The following TUB variants were observed in gnomAD, a reference collection of about 807,000 sequenced individuals.
The protein encoded by TUB is TUB bipartite transcription factor.
Under a neutral mutation model 59.7 loss-of-function variants are expected in TUB, and 33 were observed. That is an observed-to-expected ratio of 0.55 (90% CI 0.42 to 0.74). The LOEUF (loss-of-function observed/expected upper bound fraction) is 0.74. Ranked by LOEUF, TUB falls within the 30% of genes least tolerant of loss-of-function variation. The pLI, the probability that TUB is intolerant of heterozygous loss-of-function variation, is 0.00. For synonymous variants in TUB, 293 were observed against 256.4 expected (o/e 1.14, Z -1.36); for missense variants, 659 against 672.0 (o/e 0.98, Z 0.21).
chr11:8,048,605 T>G (rs1942877088), intron 2 of TUB, among the ~76,000 whole-genome samples: 1 of 152,022 alleles, frequency 6.6e-6, no homozygotes, highest in Admixed American at 6.6e-5. Flanking sequence ...AGGGCCTCAT[T>G]ATGTTGCCCA....
chr11:8,027,889 C>T (rs7945910), intron 1 of TUB, among the ~76,000 whole-genome samples: 48,271 of 152,104 alleles, frequency 0.32, 8,098 homozygotes, highest in East Asian at 0.52. Context: ...TGAAAATGCT[C>T]CAGTGAACAT....
At chr11:8,080,930 C>A (rs1299548722), upstream of TUB, among the ~76,000 whole-genome samples, 1 of 152,196 alleles carries the variant, frequency 6.6e-6, no homozygotes, top group Non-Finnish European at 1.5e-5. Context: ...TCCCATAGCG[C>A]AGATAGGTAG....
upstream of TUB, among the ~76,000 whole-genome samples, chr11:8,034,797 C>T (rs543672964): frequency 1.9e-4 from 29 of 152,180 alleles, no homozygotes; most frequent in Non-Finnish European, 3.4e-4. Context: ...TAGCAGACAA[C>T]CTGACGGAGG....
intron 1 of TUB, among the ~76,000 whole-genome samples, chr11:8,082,262 AG>A (rs1267164818): frequency 6.6e-6 from 1 of 152,224 alleles, no homozygotes; most frequent in Non-Finnish European, 1.5e-5. Context: ...ACATGCAGAA[AG>A]GCACTCAAGA....
intron 2 of TUB, among the ~76,000 whole-genome samples, chr11:8,072,252 G>A (rs745717424): frequency 1.3e-5 from 2 of 152,160 alleles, no homozygotes; most frequent in Non-Finnish European, 2.9e-5. Context: ...GAGTCTTCAC[G>A]CGTCGCCTCC....
intron 1 of TUB, among the ~76,000 whole-genome samples, chr11:8,030,655 C>T (rs997672510): frequency 6.6e-6 from 1 of 152,172 alleles, no homozygotes; most frequent in Admixed American, 6.5e-5. Context: ...CAGATTTCTG[C>T]AGGTGAACAA....
chr11:8,046,490 G>T (rs1428780044), intron 2 of TUB, among the ~76,000 whole-genome samples: 1 of 152,074 alleles, frequency 6.6e-6, no homozygotes, highest in South Asian at 2.1e-4. Context: ...TCTCCTGGGG[G>T]AAACCCAGCC....
intron 5 of TUB, 21 bp downstream of exon 5, chr11:8,095,686 G>T: frequency 1.3e-6 from 2 of 1,568,550 alleles, no homozygotes; most frequent in East Asian, 2.4e-5. Context: ...TGGGGACCCA[G>T]TGATACCCCC....
upstream of TUB, among the ~76,000 whole-genome samples, chr11:8,078,780 A>G (rs548535450): frequency 6.6e-6 from 1 of 151,824 alleles, no homozygotes; most frequent in South Asian, 2.1e-4. Context: ...GCACACACAC[A>G]CTCAAGGCAT....
rs1944464687 is a variant in TUB, at chr11:8,104,746, CAT to C, written c.*3129_*3130del. On this transcript the variant is annotated 3_prime_UTR_variant, in exon 12 of 12. Coordinates refer to ENST00000299506, the MANE Select transcript of TUB (RefSeq NM_177972.3). The stretch of plus-strand genomic sequence containing the variant: ...ACGTATGCTTTTGGTTGAAATTGAA[CAT>C]ACTCTAGTGAATGTGCCTTAAAAAT... 6.6e-6 allele frequency: 1 copy of C among 152,118 alleles called. No homozygotes were observed. Among genetic ancestry groups the C allele is most frequent in the South Asian group, 2.1e-4 (1 of 4,828 alleles). 9.4% of individuals were successfully genotyped at this position (152,118 alleles called of 1,614,324 possible).
chr11:8,073,584 A>G (rs960686449), intron 2 of TUB, among the ~76,000 whole-genome samples: 1 of 152,216 alleles, frequency 6.6e-6, no homozygotes, highest in Non-Finnish European at 1.5e-5. Flanking sequence ...ATTTATGAAT[A>G]AATGAAAGCT....
chr11:8,033,364 T>A (rs575245182), intron 1 of TUB, among the ~76,000 whole-genome samples: 1 of 152,308 alleles, frequency 6.6e-6, no homozygotes, highest in Admixed American at 6.5e-5. Context: ...ACTCTCTAGG[T>A]GTCCGCCCCA....
At chr11:8,023,184 G>C (rs1273259664) in intron 1 of TUB, among the ~76,000 whole-genome samples, 1 of 152,228 alleles carries the variant, frequency 6.6e-6, no homozygotes, top group Non-Finnish European at 1.5e-5. Flanking sequence ...ATTCCAGTGA[G>C]ACAGCAGAAG....
rs140952604 is a variant in TUB at position 8,105,460 on chromosome 11, G to T, written c.*3841G>T. ...TTTTCAGTCATCTCATGATACAGGC[G>T]GGAGGGGCAGAACAGATAGATTACG... On this transcript the variant is annotated 3_prime_UTR_variant, in exon 12 of 12. Transcript: ENST00000299506. 8 of 144,432 alleles carry T rather than the reference G, an allele frequency of 5.5e-5. 1 individual carries two copies. In the South Asian group the frequency reaches 1.1e-3, roughly 20 times the overall value. 8.9% of individuals were successfully genotyped at this position (144,432 alleles called of 1,614,324 possible).
chr11:8,100,441 C>G (rs1035843730), intron 9 of TUB, 62 bp from the exon 10 acceptor site: 25 of 1,330,176 alleles, frequency 1.9e-5, no homozygotes, highest in African/African-American at 7.2e-5. Flanking sequence ...TCCCGTCCCC[C>G]CCACCTTCTC....
At chr11:8,028,827 T>C (rs540317443) in intron 1 of TUB, among the ~76,000 whole-genome samples, 5 of 152,224 alleles carry the variant, frequency 3.3e-5, no homozygotes, top group East Asian at 1.9e-4. Context: ...CTGGACAACG[T>C]AGTGAGACCC....
Position 8,081,413 on chromosome 11 carries a change from G to A in TUB, c.-98G>A. On this transcript the variant is annotated 5_prime_UTR_variant, in exon 1 of 12. The change abolishes an upstream ATG in the 5' untranslated region. Coordinates refer to ENST00000299506, the MANE Select transcript of TUB (RefSeq NM_177972.3). Reference sequence around the variant, plus strand: ...GCCCAGCGCCCCGGCCCGGGAGGATGCGGCCCGGGGCGGCCCGGGAGCTGA... The same window carrying A: ...GCCCAGCGCCCCGGCCCGGGAGGATACGGCCCGGGGCGGCCCGGGAGCTGA... 9.4e-7 allele frequency: 1 copy of A among 1,069,336 alleles called. No individual in the cohort carries two copies. The highest frequency in any genetic ancestry group is 1.1e-6 in the Non-Finnish European group (1 of 885,434). The allele number at this position is 1,069,336 out of a possible 1,614,324, so 66.2% of individuals were successfully genotyped here.
chr11:8,043,495 CTG>C (rs1254918177), intron 2 of TUB, among the ~76,000 whole-genome samples: 1 of 152,158 alleles, frequency 6.6e-6, no homozygotes, highest in African/African-American at 2.4e-5. Context: ...TGGACCGAAT[CTG>C]TAGATCAGTT....
chr11:8,098,764 C>T lies in TUB; in HGVS notation c.1005C>T (p.Asn335=), dbSNP rs750704261. ...GATTGTGCCTTTATTTCAGGTCCAACTTGATGGGCACCAAGTTCACTGTTT... is the reference window on the plus strand; with the variant it reads ...GATTGTGCCTTTATTTCAGGTCCAATTTGATGGGCACCAAGTTCACTGTTT... ...GDSYIGKLRS[N]LMGTKFTVYD... The change falls in exon 9 of 12, where the codon AAC becomes AAT. Residue 335 remains asparagine, a synonymous_variant. Transcript: ENST00000299506. The T allele has an allele frequency of 6.2e-7, 1 of 1,613,660 alleles. No individual in the cohort carries two copies. The highest frequency in any genetic ancestry group is 1.7e-5 in the Admixed American group (1 of 60,020).
Sources: allele counts gnomAD v4.1 joint callset (sites outside exome capture counted in the v4.1 genomes callset), GRCh38; gene constraint gnomAD v4.1.1; transcripts MANE v1.5; gene names NCBI Gene and HGNC (gene_info 2026-07-23, HGNC 2026-07-21).